The following COBL variants were observed in gnomAD, a reference collection of about 807,000 sequenced individuals.
The protein encoded by COBL is cordon-bleu WH2 repeat protein.
A neutral mutation model predicts 98.8 loss-of-function variants in COBL; 51 were observed. The observed-to-expected ratio is 0.52, with a 90% CI of 0.41 to 0.65. The LOEUF is 0.65. COBL is among the 30% of genes least tolerant of loss of function. COBL has a pLI of 0.00. For missense variants in COBL, 1,617 were observed against 1,617.5 expected, an observed-to-expected ratio of 1.00 and a Z score of 0.01; for synonymous variants, 634 against 651.7, an observed-to-expected ratio of 0.97 and a Z score of 0.41.
At chr7:51,268,886 C>T (rs976498290) in intron 1 of COBL, among the ~76,000 whole-genome samples, 1 of 149,344 alleles carries the variant, frequency 6.7e-6, no homozygotes, top group African/African-American at 2.5e-5. Context: ...GCCAAGATCG[C>T]GCCATTGCAC....
At chr7:51,253,044 A>G (rs6977921) in intron 1 of COBL, among the ~76,000 whole-genome samples, 60,553 of 151,682 alleles carry the variant, frequency 0.4, 12,391 homozygotes, top group South Asian at 0.45. Flanking sequence ...TCAACATGAC[A>G]AAACCCCGTC....
At chr7:51,272,948 C>CCAA (rs202039697) in intron 1 of COBL, among the ~76,000 whole-genome samples, 7,931 of 146,156 alleles carry the variant, frequency 0.054, 339 homozygotes, top group African/African-American at 0.13. Flanking sequence ...GAACACAATA[C>CCAA]CAACAACAAC....
chr7:51,110,540 CTTTAT>C (rs1049592331), intron 6 of COBL, among the ~76,000 whole-genome samples: 1 of 152,210 alleles, frequency 6.6e-6, no homozygotes. Flanking sequence ...GATTCCATAT[CTTTAT>C]TTTATTTTTC....
At chr7:51,170,803 G>A (rs1787802185) in intron 5 of COBL, among the ~76,000 whole-genome samples, 1 of 151,976 alleles carries the variant, frequency 6.6e-6, no homozygotes, top group Admixed American at 6.6e-5. Flanking sequence ...CAGGTACAAT[G>A]TTACAGTTAG....
At chr7:51,236,269 A>G (rs1795251924) in intron 1 of COBL, among the ~76,000 whole-genome samples, 1 of 152,204 alleles carries the variant, frequency 6.6e-6, no homozygotes, top group Non-Finnish European at 1.5e-5. Context: ...TAAAACATAG[A>G]GGGGGATTCA....
chr7:51,223,332 C>T (rs1225819517), intron 1 of COBL, among the ~76,000 whole-genome samples: 1 of 152,348 alleles, frequency 6.6e-6, no homozygotes, highest in Admixed American at 6.5e-5. Flanking sequence ...ATATGTCACA[C>T]TAACAAAATG....
At chr7:51,257,811 T>C (rs953078806) in intron 1 of COBL, among the ~76,000 whole-genome samples, 1 of 152,098 alleles carries the variant, frequency 6.6e-6, no homozygotes, top group Non-Finnish European at 1.5e-5. Flanking sequence ...ATCTGATCTT[T>C]AAAAAAACAG....
chr7:51,232,704 G>T (rs2129106822), intron 1 of COBL, among the ~76,000 whole-genome samples: 1 of 152,164 alleles, frequency 6.6e-6, no homozygotes, highest in African/African-American at 2.4e-5. Flanking sequence ...CCAGACACTT[G>T]GGAGGCTGAG....
Position 51,195,316 on chromosome 7 carries a change from A to G in COBL, c.246-1727T>C, listed in dbSNP as rs756462635. 5.3e-5 allele frequency among the ~76,000 whole-genome samples: 8 copies of G among 152,188 alleles called. No individual in the cohort carries two copies. In the East Asian group the frequency reaches 1.3e-3, roughly 26 times the overall value. ...GTTTTTGTCAGCTTCATCAAAGATC[A>G]GATAGTTGTAGGTGTGTGATCTTAT... On this transcript the variant is annotated intron_variant, in intron 2 of 12. Transcript: ENST00000265136.
intron 7 of COBL, chr7:51,083,327 C>T (rs556912412): frequency 2.4e-6 from 2 of 839,720 alleles, no homozygotes; most frequent in East Asian, 5.5e-5. Context: ...TCCAGCCACA[C>T]TCAACACCAG....
At chr7:51,058,519 C>T (rs1256223394) in intron 7 of COBL, among the ~76,000 whole-genome samples, 1 of 151,754 alleles carries the variant, frequency 6.6e-6, no homozygotes. Flanking sequence ...CACTAATGCA[C>T]TCCAACCTGG....
At chr7:51,018,905 A>AATATATATATATAT (rs71018490) in intron 12 of COBL, among the ~76,000 whole-genome samples, 1 of 34,446 alleles carries the variant, frequency 2.9e-5, no homozygotes, top group African/African-American at 1.3e-4. Flanking sequence ...AAAAAAAAAA[A>AATATATATATATAT]ATATATATAT....
intron 7 of COBL, among the ~76,000 whole-genome samples, chr7:51,045,628 T>G (rs930962824): frequency 6.6e-6 from 1 of 152,212 alleles, no homozygotes; most frequent in East Asian, 1.9e-4. Flanking sequence ...ACTAGCTGTC[T>G]GCTGCCAGGC....
intron 6 of COBL, among the ~76,000 whole-genome samples, chr7:51,092,082 A>C (rs1354162575): frequency 6.6e-6 from 1 of 152,194 alleles, no homozygotes; most frequent in Admixed American, 6.5e-5. Context: ...CTCACATCAC[A>C]TGAGTGGCCA....
chr7:51,124,682 C>T (rs1798044493), intron 6 of COBL, among the ~76,000 whole-genome samples: 1 of 152,200 alleles, frequency 6.6e-6, no homozygotes, highest in African/African-American at 2.4e-5. Flanking sequence ...TGCTCCAATT[C>T]AGTGCTGAGT....
chr7:51,077,553 T>C (rs1562879270), intron 7 of COBL, among the ~76,000 whole-genome samples: 2 of 152,220 alleles, frequency 1.3e-5, no homozygotes. Context: ...CTATGTTGCC[T>C]TTAAAAAGGC....
In COBL at chr7:51,027,789, C is replaced by A. The variant is rs755761091; in HGVS notation, c.3307G>T (p.Val1103Phe). The A allele has an allele frequency of 6.2e-7, 1 of 1,614,098 alleles. No homozygotes were observed. Among genetic ancestry groups the A allele is most frequent in the African/African-American group, 1.3e-5 (1 of 74,934 alleles). The stretch of plus-strand genomic sequence containing the variant: ...GAGTGCAGGGATGTGTCTTTTGGGA[C>A]TGGTCTCTGGACAACAGGTTTGAAT... The part of the protein sequence containing the change: ...KKFKPVVQRP[V>F]PKDTSLHSAL... The change falls in exon 10 of 13, where the codon GTC becomes TTC. Residue 1103 changes from valine (V) to phenylalanine (F), a missense_variant. Physicochemically the swap from Val to Phe is conservative, Grantham distance 50. Transcript: ENST00000265136.
intron 1 of COBL, among the ~76,000 whole-genome samples, chr7:51,251,704 G>A (rs142206983): frequency 1.1e-3 from 171 of 152,154 alleles, no homozygotes; most frequent in African/African-American, 3.5e-3. Flanking sequence ...CCAGACATAC[G>A]GTGTACACTC....
intron 1 of COBL, among the ~76,000 whole-genome samples, chr7:51,309,106 C>T (rs1016491376): frequency 2.6e-5 from 4 of 152,158 alleles, no homozygotes; most frequent in East Asian, 3.9e-4. Flanking sequence ...TACGTTCCCC[C>T]GGCCCTCACA....
Sources: allele counts gnomAD v4.1 joint callset (sites outside exome capture counted in the v4.1 genomes callset), GRCh38; gene constraint gnomAD v4.1.1; transcripts MANE v1.5; gene names NCBI Gene and HGNC (gene_info 2026-07-23, HGNC 2026-07-21).